The following PIK3R5 variants were observed in gnomAD, a reference collection of about 807,000 sequenced individuals.
The protein encoded by PIK3R5 is phosphoinositide 3-kinase regulatory subunit 5.
In PIK3R5, 32 loss-of-function variants were observed where a neutral mutation model predicts 94.9. The observed-to-expected ratio is 0.34, with a 90% CI of 0.25 to 0.45. The LOEUF is 0.45. Ranked by LOEUF, PIK3R5 falls within the 20% of genes least tolerant of loss-of-function variation. The probability of loss-of-function intolerance (pLI) is 1.00; values close to 1 mark genes in which losing one functional copy is unlikely to be tolerated. For synonymous variants in PIK3R5, 443 were observed against 479.4 expected (o/e 0.92, Z 0.99); for missense variants, 853 against 1,144.6 (o/e 0.75, Z 3.68).
In PIK3R5 at chr17:8,935,171, T is replaced by G; in HGVS notation, c.-13-23664A>C. ...ATCTCTGCTTCCACTGTGCCTGCGT[T>G]ATAACTGCCTATTTCTCTAGCGGGC... On this transcript the variant is annotated intron_variant, in intron 1 of 18. Transcript: ENST00000447110. This position sits in a 1 kb window ranked among gnomAD's most constrained non-coding sequence, Gnocchi z 4.5. Among the ~76,000 whole-genome samples the G allele has an allele frequency of 6.6e-6, 1 of 152,178 alleles. No individual in the cohort carries two copies. The highest frequency in any genetic ancestry group is 1.9e-4 in the East Asian group (1 of 5,204).
chr17:8,937,274 C>G (rs1042282713), intron 1 of PIK3R5, among the ~76,000 whole-genome samples: 4 of 152,162 alleles, frequency 2.6e-5, no homozygotes, highest in African/African-American at 9.7e-5. Flanking sequence ...CGTAGGACTT[C>G]CAGTACGATG....
intron 5 of PIK3R5, among the ~76,000 whole-genome samples, chr17:8,894,273 C>A (rs1381967410): frequency 6.6e-6 from 1 of 152,188 alleles, no homozygotes; most frequent in Admixed American, 6.5e-5. Flanking sequence ...GAGGCTGCCC[C>A]GTCTTGTGCC....
rs183506729 is a variant in PIK3R5 at position 8,941,946 on chromosome 17, C to T, written c.-14+23650G>A. On this transcript the variant is annotated intron_variant, in intron 1 of 18. Coordinates refer to ENST00000447110, the MANE Select transcript of PIK3R5 (RefSeq NM_001142633.3). Reference sequence around the variant, plus strand: ...CTTCGGGAGGATTTACATGTATGGACTTTCCCATGACCATCTGAATTCTCT... The same window carrying T: ...CTTCGGGAGGATTTACATGTATGGATTTTCCCATGACCATCTGAATTCTCT... 8.1e-4 allele frequency among the ~76,000 whole-genome samples: 123 copies of T among 152,336 alleles called. 1 individual carries two copies. The highest frequency in any genetic ancestry group is 2.7e-3 in the African/African-American group (112 of 41,566).
At chr17:8,934,260 A>G (rs1163920473) in intron 1 of PIK3R5, among the ~76,000 whole-genome samples, 1 of 152,246 alleles carries the variant, frequency 6.6e-6, no homozygotes, top group Non-Finnish European at 1.5e-5. Flanking sequence ...TTAAAAGTCA[A>G]TTGTACTTCT....
chr17:8,921,570 A>G (rs1482056375), intron 1 of PIK3R5, among the ~76,000 whole-genome samples: 2 of 152,204 alleles, frequency 1.3e-5, no homozygotes, highest in Admixed American at 1.3e-4. Flanking sequence ...TAATATAGAA[A>G]TCAATATTAT....
In PIK3R5 at chr17:8,882,665, G is replaced by A. The variant is rs573708458; in HGVS notation, c.2206-784C>T. ...CCTCTCAACCTCAATAATATGTCCC[G>A]ACCCAAACTCAAGCTCTTCCCCAAC... On this transcript the variant is annotated intron_variant, in intron 15 of 18. Transcript: ENST00000447110. This position sits in a 1 kb window ranked among gnomAD's most constrained non-coding sequence, Gnocchi z 4.1. Among the ~76,000 whole-genome samples, 2 of 151,828 alleles carry A rather than the reference G, an allele frequency of 1.3e-5. No individual in the cohort carries two copies. The highest frequency in any genetic ancestry group is 2.1e-4 in the South Asian group (1 of 4,778).
chr17:8,909,021 C>T lies in PIK3R5; in HGVS notation c.204+53G>A. 1.8e-6 allele frequency: 2 copies of T among 1,119,166 alleles called. No individual in the cohort carries two copies. The highest frequency in any genetic ancestry group is 2.7e-6 in the Non-Finnish European group (2 of 750,720). The allele number at this position is 1,119,166 out of a possible 1,614,324, so 69.3% of individuals were successfully genotyped here. ...TGATGTTCTCTGGGACCTATTTCTC[C>T]ACTCTACGAGGCCGACCCCAGATCT... On this transcript the variant is annotated intron_variant, in intron 3 of 18. Coordinates refer to ENST00000447110, the MANE Select transcript of PIK3R5 (RefSeq NM_001142633.3). The surrounding 1 kb of genome is among the most constrained non-coding windows in gnomAD (Gnocchi z 4.3).
chr17:8,924,624 C>G (rs2090832420), intron 1 of PIK3R5, among the ~76,000 whole-genome samples: 2 of 152,142 alleles, frequency 1.3e-5, no homozygotes, highest in African/African-American at 4.8e-5. Context: ...AATCCAACAG[C>G]AGGTCATTGT....
intron 14 of PIK3R5, among the ~76,000 whole-genome samples, chr17:8,885,246 C>T (rs897790902): frequency 1.1e-4 from 16 of 151,460 alleles, no homozygotes; most frequent in African/African-American, 3.6e-4. Flanking sequence ...TCCTGCCTCC[C>T]GGTAACCGTG....
intron 5 of PIK3R5, among the ~76,000 whole-genome samples, chr17:8,902,249 ATTTTTTTTTTTTTT>A (rs397960477): frequency 1.3e-5 from 1 of 77,194 alleles, no homozygotes; most frequent in Admixed American, 1.9e-4. Flanking sequence ...TGATATATTA[ATTTTTTTTTTTTTT>A]TTTTTTTTTT....
At position 8,881,660 on chromosome 17, in the gene PIK3R5, C is replaced by T; in HGVS notation, c.2352G>A (p.Gln784=). Residue 784 remains glutamine (Q), a synonymous_variant, in exon 17 of 19, where the codon CAG becomes CAA. Coordinates refer to ENST00000447110, the MANE Select transcript of PIK3R5 (RefSeq NM_001142633.3). The surrounding 1 kb of genome is among the most constrained non-coding windows in gnomAD (Gnocchi z 4.8). Reference sequence around the variant, plus strand: ...TAAAGCCCTTCTTGGATTTGGAGTTCTGCCTTTTCACCACTTCTGTCAGGT... The same window carrying T: ...TAAAGCCCTTCTTGGATTTGGAGTTTTGCCTTTTCACCACTTCTGTCAGGT... The part of the protein sequence containing the change: ...TLNLTEVVKR[Q]NSKSKKGFNQ... 6.2e-7 allele frequency: 1 copy of T among 1,613,600 alleles called. No homozygotes were observed. The highest frequency in any genetic ancestry group is 8.5e-7 in the Non-Finnish European group (1 of 1,179,762).
At chr17:8,954,957 A>C (rs1297333163) in intron 1 of PIK3R5, among the ~76,000 whole-genome samples, 2 of 132,240 alleles carry the variant, frequency 1.5e-5, no homozygotes, top group Admixed American at 1.5e-4. Context: ...AAAAAAAAAA[A>C]GATTCCCAAG....
At position 8,905,699 on chromosome 17, in the gene PIK3R5, C is replaced by T; in HGVS notation, c.243G>A (p.Leu81=). The change falls in exon 4 of 19, where the codon CTG becomes CTA. Residue 81 remains leucine (L), a synonymous_variant. Coordinates refer to ENST00000447110, the MANE Select transcript of PIK3R5 (RefSeq NM_001142633.3). ...EKGTYDLLTP[L]ALLFYSTVLC... is the part of the protein sequence containing the mutation. The stretch of plus-strand genomic sequence containing the variant: ...GAACAGTGGAATAGAAGAGCAGGGC[C>T]AGCGGGGTGAGCAGGTCGTAGGTGC... 2 of 1,607,240 alleles carry T rather than the reference C, an allele frequency of 1.2e-6. No homozygotes were observed. The highest frequency in any genetic ancestry group is 1.7e-6 in the Non-Finnish European group (2 of 1,176,974).
At chr17:8,891,480 G>A (rs2090021721) in intron 6 of PIK3R5, among the ~76,000 whole-genome samples, 1 of 152,182 alleles carries the variant, frequency 6.6e-6, no homozygotes, top group Admixed American at 6.5e-5. Flanking sequence ...CCATGATACA[G>A]GCTTTCACTG....
chr17:8,884,880 C>G lies in PIK3R5; in HGVS notation c.2129-97G>C. On this transcript the variant is annotated intron_variant, in intron 14 of 18. Coordinates refer to ENST00000447110, the MANE Select transcript of PIK3R5 (RefSeq NM_001142633.3). This position sits in a 1 kb window ranked among gnomAD's most constrained non-coding sequence, Gnocchi z 5.8. ...CTCCCTGGGCCTTACCTCCCCATCC[C>G]CTACCACATGGACCGTGACTCCCTA... 1.1e-6 allele frequency: 1 copy of G among 951,686 alleles called. No homozygotes were observed. Among genetic ancestry groups the G allele is most frequent in the Non-Finnish European group, 1.7e-6 (1 of 595,892 alleles). 59.0% of individuals were successfully genotyped at this position (951,686 alleles called of 1,614,324 possible). A position where few individuals can be genotyped will look rare whatever the true frequency, so the allele number is the denominator to read the frequency against.
At chr17:8,960,166 A>T (rs1251075530) in intron 1 of PIK3R5, among the ~76,000 whole-genome samples, 1 of 152,184 alleles carries the variant, frequency 6.6e-6, no homozygotes, top group Admixed American at 6.5e-5. Flanking sequence ...GGGAGCCCAC[A>T]TACCCCACAC....
chr17:8,894,541 T>A lies in PIK3R5; in HGVS notation c.413-886A>T, dbSNP rs578185240. The stretch of plus-strand genomic sequence containing the variant: ...TCCCAGCCCGCATCCCCTTTCTCCC[T>A]GGCCCTTCCCCCTCTCTGTCTCCTC... On this transcript the variant is annotated intron_variant, in intron 5 of 18. Coordinates refer to ENST00000447110, the MANE Select transcript of PIK3R5 (RefSeq NM_001142633.3). 2.6e-5 allele frequency among the ~76,000 whole-genome samples: 4 copies of A among 152,312 alleles called. No homozygotes were observed. In the South Asian group the frequency reaches 8.3e-4, roughly 32 times the overall value.
At chr17:8,914,619 C>T (rs1010076621) in intron 1 of PIK3R5, among the ~76,000 whole-genome samples, 1 of 152,230 alleles carries the variant, frequency 6.6e-6, no homozygotes, top group African/African-American at 2.4e-5. Context: ...CTGACACAGA[C>T]TGGGATGCCC....
intron 1 of PIK3R5, among the ~76,000 whole-genome samples, chr17:8,915,205 C>A (rs2090605588): frequency 6.6e-6 from 1 of 151,904 alleles, no homozygotes; most frequent in South Asian, 2.1e-4. Flanking sequence ...GGTGGATCAC[C>A]TGAGGTCAGG....
Sources: gnomAD v4.1 joint callset for allele counts (sites outside exome capture counted in the v4.1 genomes callset) on GRCh38, gnomAD v4.1.1 for gene constraint, Gnocchi (gnomAD v3.1) non-coding constraint, MANE v1.5 for transcripts, NCBI Gene and HGNC (gene_info 2026-07-23, HGNC 2026-07-21) for gene names.